The following PCDH9 variants were observed in gnomAD, a reference collection of about 807,000 sequenced individuals.
PCDH9 encodes protocadherin 9, also known as protocadherin-9.
PCDH9 carries 24 observed loss-of-function variants against 70.6 expected under a neutral mutation model. That is an observed-to-expected ratio of 0.34 (90% confidence interval 0.25 to 0.48). The LOEUF is 0.48. PCDH9 is among the 20% of genes least tolerant of loss of function. PCDH9 has a pLI of 0.99. For missense variants in PCDH9, 1,281 were observed against 1,503.6 expected (o/e 0.85, Z 2.45); for synonymous variants, 562 against 558.5 (o/e 1.01, Z -0.09).
At chr13:66,709,131 T>C (rs929884787) in intron 3 of PCDH9, among the ~76,000 whole-genome samples, 6 of 152,138 alleles carry the variant, frequency 3.9e-5, no homozygotes, top group African/African-American at 1.4e-4. Flanking sequence ...CTGTACAACT[T>C]CCTAGAAGGA....
At chr13:66,707,616 C>A (rs1313253755) in intron 3 of PCDH9, among the ~76,000 whole-genome samples, 2 of 152,116 alleles carry the variant, frequency 1.3e-5, no homozygotes, top group Admixed American at 6.5e-5. Context: ...ATGGAAATAA[C>A]CCAGAGAGAT....
intron 2 of PCDH9, among the ~76,000 whole-genome samples, chr13:67,103,373 A>G (rs1050549431): frequency 6.6e-6 from 1 of 152,200 alleles, no homozygotes; most frequent in Non-Finnish European, 1.5e-5. Flanking sequence ...AGGCTTTAAA[A>G]TCTTCCTGCT....
intron 2 of PCDH9, chr13:67,210,292 C>G (rs1292523957): frequency 6.6e-6 from 1 of 151,868 alleles, no homozygotes; most frequent in Non-Finnish European, 1.5e-5. Flanking sequence ...TTTTCTAGTT[C>G]AGAAGGGGAA....
chr13:67,138,891 T>C (rs1176103474), intron 2 of PCDH9, among the ~76,000 whole-genome samples: 1 of 152,154 alleles, frequency 6.6e-6, no homozygotes, highest in Non-Finnish European at 1.5e-5. Flanking sequence ...CACACAAAAT[T>C]ATCCGAGGAA....
At chr13:66,737,935 G>A (rs879523191) in intron 3 of PCDH9, among the ~76,000 whole-genome samples, 1 of 152,066 alleles carries the variant, frequency 6.6e-6, no homozygotes, top group Non-Finnish European at 1.5e-5. Context: ...GCCCGCCATT[G>A]CCCAGGCTTG....
At chr13:66,561,785 G>T (rs1050738527) in intron 4 of PCDH9, among the ~76,000 whole-genome samples, 11 of 152,062 alleles carry the variant, frequency 7.2e-5, no homozygotes, top group African/African-American at 2.7e-4. Flanking sequence ...AGACCACTTG[G>T]CTCTACCAAT....
chr13:66,470,745 G>C (rs746920058), intron 4 of PCDH9, among the ~76,000 whole-genome samples: 12 of 150,968 alleles, frequency 7.9e-5, no homozygotes, highest in Non-Finnish European at 1.5e-5. Flanking sequence ...AAAACTTTTG[G>C]AAGCTCACAT....
intron 2 of PCDH9, among the ~76,000 whole-genome samples, chr13:67,182,270 C>G (rs1435511720): frequency 6.6e-6 from 1 of 152,092 alleles, no homozygotes; most frequent in Admixed American, 6.6e-5. Context: ...TGTTCCAGAC[C>G]TAAATTTCCC....
Position 66,631,130 on chromosome 13 carries a change from C to T in PCDH9, c.3340+80G>A, listed in dbSNP as rs1357431698. Reference sequence around the variant, plus strand: ...AATAACTAAATGTTCATCCTTGCCCCCTACAATTATTTTTGAAAGCTCAAG... The same window carrying T: ...AATAACTAAATGTTCATCCTTGCCCTCTACAATTATTTTTGAAAGCTCAAG... On this transcript the variant is annotated intron_variant, in intron 4 of 4. Transcript: ENST00000377865. 4 of 741,544 alleles carry T rather than the reference C, an allele frequency of 5.4e-6. No individual in the cohort carries two copies. In the African/African-American group the frequency reaches 7.0e-5, roughly 13 times the overall value. The allele number at this position is 741,544 out of a possible 1,614,324, so 45.9% of individuals were successfully genotyped here.
chr13:67,127,692 GTGTGTGTGTA>G (rs1306392658), intron 2 of PCDH9, among the ~76,000 whole-genome samples: 2 of 151,136 alleles, frequency 1.3e-5, no homozygotes, highest in East Asian at 1.9e-4. Context: ...GTGTGTGTGT[GTGTGTGTGTA>G]TGTGTGTGTG....
chr13:67,127,395 G>T (rs2087003237), intron 2 of PCDH9, among the ~76,000 whole-genome samples: 1 of 152,058 alleles, frequency 6.6e-6, no homozygotes, highest in African/African-American at 2.4e-5. Context: ...CTCGTGGAGT[G>T]GTTTTCCTGT....
intron 4 of PCDH9, among the ~76,000 whole-genome samples, chr13:66,589,989 A>G (rs1798526265): frequency 6.6e-6 from 1 of 152,022 alleles, no homozygotes; most frequent in Admixed American, 6.6e-5. Flanking sequence ...TGATTTAATG[A>G]GAAGGCAGAA....
At chr13:67,027,368 T>G (rs977284196) in intron 2 of PCDH9, among the ~76,000 whole-genome samples, 2 of 152,152 alleles carry the variant, frequency 1.3e-5, no homozygotes, top group African/African-American at 4.8e-5. Context: ...TAGCCATATG[T>G]AGAAAGCTGA....
intron 4 of PCDH9, among the ~76,000 whole-genome samples, chr13:66,431,396 C>T (rs1957768960): frequency 6.6e-6 from 1 of 151,826 alleles, no homozygotes; most frequent in Admixed American, 6.6e-5. Flanking sequence ...TGATCAAGAT[C>T]CCAAACCCAG....
intron 4 of PCDH9, among the ~76,000 whole-genome samples, chr13:66,504,799 A>C (rs1959195398): frequency 6.6e-6 from 1 of 152,198 alleles, no homozygotes; most frequent in Non-Finnish European, 1.5e-5. Flanking sequence ...GAGATCTGAA[A>C]GCTGGATAAG....
chr13:66,607,201 C>T (rs185101056), intron 4 of PCDH9, among the ~76,000 whole-genome samples: 1 of 152,174 alleles, frequency 6.6e-6, no homozygotes, highest in African/African-American at 2.4e-5. Flanking sequence ...ACCCTTTCTT[C>T]CACTCATCAG....
chr13:67,129,177 A>T (rs75650780), intron 2 of PCDH9, among the ~76,000 whole-genome samples: 361 of 152,318 alleles, frequency 2.4e-3, no homozygotes, highest in Non-Finnish European at 3.7e-3. Context: ...TGTAAAGTAC[A>T]GAAGGTATAT....
intron 2 of PCDH9, among the ~76,000 whole-genome samples, chr13:66,929,120 CT>C (rs1190208497): frequency 4.6e-5 from 7 of 151,828 alleles, no homozygotes; most frequent in Non-Finnish European, 1.0e-4. Context: ...CATTTTTCCT[CT>C]TTAAAATTAT....
At chr13:66,712,077 A>T (rs1322863829) in intron 3 of PCDH9, among the ~76,000 whole-genome samples, 2 of 152,180 alleles carry the variant, frequency 1.3e-5, no homozygotes, top group East Asian at 3.8e-4. Context: ...CTGAATTTTT[A>T]ACAGTTATAT....
Sources: gnomAD v4.1 joint callset for allele counts (sites outside exome capture counted in the v4.1 genomes callset) on GRCh38, gnomAD v4.1.1 for gene constraint, MANE v1.5 for transcripts, NCBI Gene and HGNC (gene_info 2026-07-23, HGNC 2026-07-21) for gene names.